Variants in NEBL observed in about 807,000 individuals in gnomAD.
NEBL encodes LIM and SH3 protein 2.
A neutral mutation model predicts 140.2 loss-of-function variants in NEBL; 122 were observed. The ratio of observed to expected loss-of-function variants is 0.87; its 90% CI spans 0.75 to 1.01. The LOEUF (loss-of-function observed/expected upper bound fraction) is 1.01. Among genes scored for constraint, NEBL ranks in the 50% least tolerant of loss-of-function variants. The probability of loss-of-function intolerance (pLI) is 0.00; values close to 1 mark genes in which losing one functional copy is unlikely to be tolerated. For synonymous variants in NEBL, 436 were observed against 398.9 expected (o/e 1.09, Z -1.11); for missense variants, 1,365 against 1,231.3 (o/e 1.11, Z -1.62).
chr10:21,197,823 T>C (rs1207866866), intron 3 of NEBL, among the ~76,000 whole-genome samples: 9 of 152,196 alleles, frequency 5.9e-5, no homozygotes, highest in Non-Finnish European at 1.3e-4. Flanking sequence ...TGAGACCCCA[T>C]GAGAAGCTAA....
intron 2 of NEBL, among the ~76,000 whole-genome samples, chr10:21,076,068 C>A (rs1836059023): frequency 6.6e-6 from 1 of 152,052 alleles, no homozygotes; most frequent in Non-Finnish European, 1.5e-5. Context: ...GAAATTGGAA[C>A]TTTTATGCAT....
intron 3 of NEBL, among the ~76,000 whole-genome samples, chr10:21,233,864 AT>A (rs952514832): frequency 5.5e-5 from 8 of 145,016 alleles, no homozygotes; most frequent in Non-Finnish European, 9.0e-5. Flanking sequence ...ATAGATATAT[AT>A]TACATATATA....
At chr10:20,824,911 G>A (rs936977447) in intron 18 of NEBL, among the ~76,000 whole-genome samples, 4 of 151,942 alleles carry the variant, frequency 2.6e-5, no homozygotes, top group African/African-American at 9.7e-5. Flanking sequence ...ATTATCATTG[G>A]AAAGAGAAGC....
chr10:21,080,097 T>C (rs571084831), intron 2 of NEBL, among the ~76,000 whole-genome samples: 6 of 152,362 alleles, frequency 3.9e-5, no homozygotes, highest in African/African-American at 1.4e-4. Context: ...CTGTAAAGCA[T>C]AGAGAGACGG....
intron 18 of NEBL, among the ~76,000 whole-genome samples, chr10:20,826,177 A>G (rs1233373899): frequency 6.6e-6 from 1 of 152,204 alleles, no homozygotes; most frequent in Non-Finnish European, 1.5e-5. Flanking sequence ...AATTCTCTTC[A>G]AAGAGATGAA....
chr10:21,195,718 G>A (rs753210143), intron 3 of NEBL, among the ~76,000 whole-genome samples: 5 of 152,124 alleles, frequency 3.3e-5, no homozygotes, highest in Non-Finnish European at 7.3e-5. Flanking sequence ...AAATATACAT[G>A]TGAACTAGTC....
Position 21,093,150 on chromosome 10 carries a change from C to CT in NEBL, c.165-72950dup, listed in dbSNP as rs4025884. On this transcript the variant is annotated intron_variant, in intron 2 of 6. Coordinates refer to the NEBL transcript ENST00000417816. ...TACTTTTATTCATTTAGCAACAAGTCTTTTTTTTTTTTTTTCCATTTTAGC... is the reference window on the plus strand; with the variant it reads ...TACTTTTATTCATTTAGCAACAAGTCTTTTTTTTTTTTTTTTCCATTTTAGC... 2.7e-3 allele frequency among the ~76,000 whole-genome samples: 255 copies of CT among 95,034 alleles called. 13 individuals are homozygous for CT. Among genetic ancestry groups the CT allele is most frequent in the East Asian group, 0.016 (62 of 3,934 alleles). 62.3% of individuals were successfully genotyped at this position (95,034 alleles called of 152,430 possible).
At chr10:20,934,367 G>C (rs899733958) in intron 4 of NEBL, among the ~76,000 whole-genome samples, 1 of 152,128 alleles carries the variant, frequency 6.6e-6, no homozygotes, top group Non-Finnish European at 1.5e-5. Flanking sequence ...TTTGATCAGA[G>C]AGTGTGCCAC....
intron 5 of NEBL, among the ~76,000 whole-genome samples, chr10:20,872,244 AGAAGCCGGCATATGT>A (rs911349876): frequency 9.8e-5 from 15 of 152,286 alleles, no homozygotes; most frequent in Admixed American, 9.8e-4. Flanking sequence ...ATTGCAAAGT[AGAAGCCGGCATATGT>A]GACTCAAAAC....
chr10:21,122,075 G>T (rs1335804034), intron 2 of NEBL, among the ~76,000 whole-genome samples: 1 of 151,854 alleles, frequency 6.6e-6, no homozygotes, highest in African/African-American at 2.4e-5. Flanking sequence ...ACCCAGACTG[G>T]AATGCAGTGG....
intron 19 of NEBL, among the ~76,000 whole-genome samples, chr10:20,819,922 G>A (rs554668773): frequency 1.3e-5 from 2 of 151,996 alleles, no homozygotes; most frequent in South Asian, 2.1e-4. Context: ...ACTTTTTGTT[G>A]TTTTCCTTCA....
intron 3 of NEBL, among the ~76,000 whole-genome samples, chr10:21,191,445 C>T (rs1217279436): frequency 3.9e-5 from 6 of 152,100 alleles, no homozygotes; most frequent in East Asian, 1.9e-4. Context: ...ACCCACCGTT[C>T]GATATTAGGA....
chr10:21,094,418 C>T (rs958783558), intron 2 of NEBL, among the ~76,000 whole-genome samples: 5 of 138,862 alleles, frequency 3.6e-5, no homozygotes, highest in African/African-American at 8.0e-5. Flanking sequence ...AGGAGAATGG[C>T]GTGAACCACA....
At chr10:21,239,529 C>G (rs1021715820) in intron 3 of NEBL, among the ~76,000 whole-genome samples, 5 of 152,032 alleles carry the variant, frequency 3.3e-5, no homozygotes, top group African/African-American at 1.2e-4. Flanking sequence ...GCAAGACCCC[C>G]AAACCCAGAA....
chr10:21,031,256 A>G (rs567299432), intron 2 of NEBL, among the ~76,000 whole-genome samples: 2 of 152,322 alleles, frequency 1.3e-5, no homozygotes, highest in South Asian at 4.1e-4. Flanking sequence ...GTCACCCATC[A>G]CCTGCTCACC....
chr10:21,194,947 G>T (rs2132220535), intron 3 of NEBL, among the ~76,000 whole-genome samples: 1 of 151,976 alleles, frequency 6.6e-6, no homozygotes, highest in Admixed American at 6.6e-5. Context: ...GGTACTGTTT[G>T]TATAAGGCAC....
intron 2 of NEBL, among the ~76,000 whole-genome samples, chr10:21,080,460 C>T (rs1482076323): frequency 1.3e-5 from 2 of 152,162 alleles, no homozygotes; most frequent in Non-Finnish European, 2.9e-5. Context: ...AAAATTGAAT[C>T]AAAGACAAGA....
At chr10:21,135,794 C>T (rs1839329426) in intron 2 of NEBL, among the ~76,000 whole-genome samples, 2 of 152,130 alleles carry the variant, frequency 1.3e-5, no homozygotes, top group South Asian at 4.1e-4. Context: ...GCTGAAGGTC[C>T]TATTTTCAGT....
intron 2 of NEBL, among the ~76,000 whole-genome samples, chr10:21,058,844 A>G (rs1835154364): frequency 1.3e-5 from 2 of 152,184 alleles, no homozygotes; most frequent in South Asian, 4.1e-4. Context: ...TTCCTTAACT[A>G]TAGGTACAAA....
Sources: gnomAD v4.1 joint callset for allele counts (sites outside exome capture counted in the v4.1 genomes callset) on GRCh38, gnomAD v4.1.1 for gene constraint, MANE v1.5 for transcripts, NCBI Gene and HGNC (gene_info 2026-07-23, HGNC 2026-07-21) for gene names.